Variants in GK observed in about 807,000 individuals in gnomAD.
The protein encoded by GK is glycerol kinase, also known as ATP:glycerol 3-phosphotransferase.
In GK, 9 loss-of-function variants were observed where a neutral mutation model predicts 56.4. That is an observed-to-expected ratio of 0.16 (90% CI 0.10 to 0.28). GK has a LOEUF of 0.28. GK is among the 10% of genes least tolerant of loss of function. GK has a pLI of 1.00. For synonymous variants in GK, 104 were observed against 144.1 expected (o/e 0.72, Z 1.99); for missense variants, 161 against 431.4 (o/e 0.37, Z 5.55).
chrX:30,659,773 G>A (rs1286195110), intron 1 of GK, among the ~76,000 whole-genome samples: 1 of 112,271 alleles, frequency 8.9e-6, no homozygotes, highest in Non-Finnish European at 1.9e-5. Flanking sequence ...TTTTGAGACG[G>A]AGTCTTGCTC....
At chrX:30,672,487 C>T (rs908816049) in intron 3 of GK, among the ~76,000 whole-genome samples, 1 of 112,073 alleles carries the variant, frequency 8.9e-6, no homozygotes, top group Admixed American at 9.5e-5. Flanking sequence ...TTCTAACCCA[C>T]CTCAAGTACA....
At position 30,704,128 on chromosome X, in the gene GK, T is replaced by TTACATA. The variant is rs1555917605; in HGVS notation, c.851+3225_851+3226insCATATA. 6.7e-5 allele frequency among the ~76,000 whole-genome samples: 5 copies of TTACATA among 74,921 alleles called. No individual in the cohort carries two copies. The East Asian group carries it at 1.9e-3, about 29-fold the overall frequency. The allele number at this position is 74,921 out of a possible 115,157, so 65.1% of individuals were successfully genotyped here. A position where few individuals can be genotyped will look rare whatever the true frequency, so the allele number is the denominator to read the frequency against. Reference sequence around the variant, plus strand: ...CAGAAAAACAATGCAGTTATTCATTTTATATATATATATATATATATGAGA... The same window carrying TTACATA: ...CAGAAAAACAATGCAGTTATTCATTTTACATATATATATATATATATATATATGAGA... On this transcript the variant is annotated intron_variant, in intron 11 of 20. Coordinates refer to ENST00000427190, the MANE Select transcript of GK (RefSeq NM_001205019.2).
At chrX:30,683,252 C>T (rs931387589) in intron 4 of GK, among the ~76,000 whole-genome samples, 2 of 110,784 alleles carry the variant, frequency 1.8e-5, no homozygotes, top group African/African-American at 3.3e-5. Flanking sequence ...GATAGGGTCT[C>T]GCTGTGTTGA....
intron 13 of GK, among the ~76,000 whole-genome samples, chrX:30,716,280 G>A (rs751750165): frequency 3.6e-5 from 4 of 111,849 alleles, no homozygotes; most frequent in South Asian, 3.7e-4. Context: ...GTCTTTGAGA[G>A]TATAAGGAGG....
intron 13 of GK, among the ~76,000 whole-genome samples, chrX:30,713,787 G>A (rs959977096): frequency 8.9e-6 from 1 of 111,877 alleles, no homozygotes; most frequent in Admixed American, 9.5e-5. Flanking sequence ...TGGCATCCTT[G>A]TTCCTCTTCT....
At position 30,697,762 on chromosome X, in the gene GK, C is replaced by T. The variant is rs778614586; in HGVS notation, c.747+13C>T. The T allele has an allele frequency of 1.2e-5, 14 of 1,147,087 alleles. No individual in the cohort carries two copies. The highest frequency in any genetic ancestry group is 1.3e-5 in the Non-Finnish European group (11 of 838,889). The allele number at this position is 1,147,087 out of a possible 1,213,427, so 94.5% of individuals were successfully genotyped here. ...CTCTCATAGCGTGGTGAGTAGGTTG[C>T]CCGCCAATTATGTACCCATTCATTT... On this transcript the variant is annotated intron_variant, in intron 9 of 20. Coordinates refer to ENST00000427190, the MANE Select transcript of GK (RefSeq NM_001205019.2).
At chrX:30,680,507 A>G (rs905066487) in intron 4 of GK, among the ~76,000 whole-genome samples, 1 of 111,981 alleles carries the variant, frequency 8.9e-6, no homozygotes, top group African/African-American at 3.2e-5. Flanking sequence ...AGCTTGAGGC[A>G]AAACAGATGA....
Position 30,728,769 on chromosome X carries a change from A to T in GK, c.*27A>T. ...ACCTACCAACTCATGGATTCCCAAG[A>T]TGTGAGCTTTTTACATAATGAAAGA... On this transcript the variant is annotated 3_prime_UTR_variant, in exon 21 of 21. Transcript: ENST00000427190. 1.8e-6 allele frequency: 2 copies of T among 1,111,715 alleles called. No homozygotes were observed. The highest frequency in any genetic ancestry group is 2.5e-6 in the Non-Finnish European group (2 of 805,680). The allele number at this position is 1,111,715 out of a possible 1,213,427, so 91.6% of individuals were successfully genotyped here.
intron 4 of GK, among the ~76,000 whole-genome samples, chrX:30,686,493 G>T (rs1018858071): frequency 8.1e-5 from 9 of 111,465 alleles, no homozygotes; most frequent in African/African-American, 2.6e-4. Context: ...TTTATTATTT[G>T]CCTGTTTCTA....
intron 11 of GK, among the ~76,000 whole-genome samples, chrX:30,707,125 T>C (rs1274070866): frequency 9.0e-6 from 1 of 110,989 alleles, no homozygotes; most frequent in African/African-American, 3.3e-5. Context: ...AGTCAGGAGA[T>C]CAAGGCCATC....
chrX:30,719,600 T>G, intron 15 of GK, 85 bp downstream of exon 15: 1 of 551,817 alleles, frequency 1.8e-6, no homozygotes, highest in Admixed American at 2.9e-5. Flanking sequence ...CTTATCTATT[T>G]TCAAATAATT....
intron 3 of GK, chrX:30,674,307 C>T (rs1173626395): frequency 6.1e-6 from 2 of 329,396 alleles, no homozygotes; most frequent in South Asian, 5.2e-5. Flanking sequence ...GGCAGATAAC[C>T]CTACCTCCTG....
At chrX:30,720,768 T>A (rs2147263543) in intron 17 of GK, 27 bp downstream of exon 17, 1 of 1,206,428 alleles carries the variant, frequency 8.3e-7, no homozygotes, top group African/African-American at 1.8e-5. Flanking sequence ...TCCTTTAAAC[T>A]CCCAGAGTAA....
chrX:30,715,235 G>A (rs1348254521), intron 13 of GK, among the ~76,000 whole-genome samples: 1 of 111,671 alleles, frequency 9.0e-6, no homozygotes, highest in Admixed American at 9.5e-5. Context: ...TTGTGGCAGT[G>A]GCATTCATGT....
chrX:30,699,513 C>T (rs1272305147), intron 9 of GK, among the ~76,000 whole-genome samples: 4 of 106,584 alleles, frequency 3.8e-5, no homozygotes, highest in African/African-American at 1.0e-4. Flanking sequence ...TACAGGTACC[C>T]GCCATCATGC....
At chrX:30,719,390 T>TTTTTG (rs770126306) in intron 14 of GK, 29 bp from the exon 15 acceptor site, 1 of 885,031 alleles carries the variant, frequency 1.1e-6, no homozygotes. Context: ...ATTTGTGTGA[T>TTTTTG]TTTTGTTTTG....
Position 30,691,280 on chromosome X carries a change from C to G in GK, c.414+81C>G, listed in dbSNP as rs1306756949. 1.3e-5 allele frequency: 7 copies of G among 545,459 alleles called. No individual in the cohort carries two copies. In the Admixed American group the frequency reaches 1.8e-4, roughly 14 times the overall value. The allele number at this position is 545,459 out of a possible 1,213,427, so 45.0% of individuals were successfully genotyped here. A position where few individuals can be genotyped will look rare whatever the true frequency, so the allele number is the denominator to read the frequency against. ...TGCAGATTTCACTAGAAAGAAGCAT[C>G]TTATGGTACAATAGTTATTTGATAC... On this transcript the variant is annotated intron_variant, in intron 5 of 20. Transcript: ENST00000427190.
At chrX:30,694,127 G>A (rs146622264) in intron 5 of GK, among the ~76,000 whole-genome samples, 43 of 111,565 alleles carry the variant, frequency 3.9e-4, no homozygotes, top group African/African-American at 1.3e-3. Flanking sequence ...CATCTACATT[G>A]TCACTATCTA....
chrX:30,676,553 A>C (rs1333507984), intron 3 of GK, among the ~76,000 whole-genome samples: 2 of 111,262 alleles, frequency 1.8e-5, no homozygotes, highest in African/African-American at 6.5e-5. Context: ...AGTTTTAGGA[A>C]CCCATACCAA....
Sources: gnomAD v4.1 joint callset for allele counts (sites outside exome capture counted in the v4.1 genomes callset) on GRCh38, gnomAD v4.1.1 for gene constraint, MANE v1.5 for transcripts, NCBI Gene and HGNC (gene_info 2026-07-23, HGNC 2026-07-21) for gene names.